ALOX5AP: variants seen among roughly 807,000 people sequenced by gnomAD.
The protein encoded by ALOX5AP is arachidonate 5-lipoxygenase-activating protein.
In ALOX5AP, 9 loss-of-function variants were observed where a neutral mutation model predicts 18.5. The ratio of observed to expected loss-of-function variants is 0.49; its 90% CI spans 0.29 to 0.85. The LOEUF is 0.85. ALOX5AP is among the 40% of genes least tolerant of loss of function. ALOX5AP has a pLI of 0.08. For missense variants in ALOX5AP, 172 were observed against 202.5 expected, an observed-to-expected ratio of 0.85 and a Z score of 0.91; for synonymous variants, 81 against 78.6, an observed-to-expected ratio of 1.03 and a Z score of -0.16.
intron 1 of ALOX5AP, among the ~76,000 whole-genome samples, chr13:30,725,706 T>C (rs913011915): frequency 1.3e-5 from 2 of 152,260 alleles, no homozygotes; most frequent in African/African-American, 4.8e-5. Context: ...TACAATGCTC[T>C]GCCAAACCTA....
chr13:30,715,713 G>T (rs899831206), intron 1 of ALOX5AP, among the ~76,000 whole-genome samples: 5 of 152,270 alleles, frequency 3.3e-5, no homozygotes, highest in African/African-American at 4.8e-5. Context: ...TTCAGATGCC[G>T]AGGCATTTTG....
intron 1 of ALOX5AP, among the ~76,000 whole-genome samples, chr13:30,726,470 TATCTATGTCC>T (rs1322770504): frequency 2.0e-5 from 3 of 152,234 alleles, no homozygotes; most frequent in African/African-American, 4.8e-5. Flanking sequence ...GAGAATATTT[TATCTATGTCC>T]ATCTATGTCC....
At chr13:30,761,738 T>C (rs2137834290) in intron 4 of ALOX5AP, among the ~76,000 whole-genome samples, 1 of 152,314 alleles carries the variant, frequency 6.6e-6, no homozygotes, top group East Asian at 1.9e-4. Flanking sequence ...TGCCACCTTC[T>C]ACCTGTGTCT....
chr13:30,733,818 G>A (rs1474645730), upstream of ALOX5AP, among the ~76,000 whole-genome samples: 1 of 151,292 alleles, frequency 6.6e-6, no homozygotes, highest in Non-Finnish European at 1.5e-5. Context: ...TCCTGCCCTT[G>A]GACACTGGAG....
intron 4 of ALOX5AP, among the ~76,000 whole-genome samples, chr13:30,756,686 G>A (rs545188986): frequency 1.6e-4 from 25 of 151,988 alleles, no homozygotes; most frequent in Non-Finnish European, 2.9e-4. Flanking sequence ...GGTGGTGGGC[G>A]CCTGTAATCC....
intron 1 of ALOX5AP, among the ~76,000 whole-genome samples, chr13:30,722,348 C>T (rs1260599671): frequency 6.6e-6 from 1 of 152,192 alleles, no homozygotes; most frequent in Non-Finnish European, 1.5e-5. Context: ...CCAGCACTGC[C>T]TTGCCTACCC....
At chr13:30,742,867 C>G (rs1164676939) in intron 1 of ALOX5AP, among the ~76,000 whole-genome samples, 6 of 135,672 alleles carry the variant, frequency 4.4e-5, no homozygotes, top group Admixed American at 2.2e-4. Context: ...CCGCCCCCCC[C>G]CCACCCCCCA....
chr13:30,716,370 C>T (rs1951550217), intron 1 of ALOX5AP, among the ~76,000 whole-genome samples: 2 of 152,148 alleles, frequency 1.3e-5, no homozygotes, highest in Non-Finnish European at 2.9e-5. Flanking sequence ...GTTTGGAAAC[C>T]ATTGATGTAA....
intron 1 of ALOX5AP, among the ~76,000 whole-genome samples, chr13:30,739,365 C>T (rs747437811): frequency 6.6e-6 from 1 of 152,196 alleles, no homozygotes; most frequent in African/African-American, 2.4e-5. Flanking sequence ...GCTTTATTCC[C>T]CTGCACCCAG....
intron 4 of ALOX5AP, among the ~76,000 whole-genome samples, chr13:30,763,437 C>T (rs1951961301): frequency 6.6e-6 from 1 of 152,242 alleles, no homozygotes; most frequent in African/African-American, 2.4e-5. Flanking sequence ...TTATTCCAGT[C>T]AGCCTCAGGA....
intron 3 of ALOX5AP, among the ~76,000 whole-genome samples, chr13:30,754,245 G>GAGAGAGAAAGCTGA (rs17238892): frequency 0.51 from 76,660 of 151,792 alleles, 19,531 homozygotes; most frequent in Non-Finnish European, 0.54. Context: ...GTCTCAAAAA[G>GAGAGAGAAAGCTGA]AGTTCACAGT....
At position 30,755,936 on chromosome 13, in the gene ALOX5AP, C is replaced by T. The variant is rs754765456; in HGVS notation, c.242-8C>T. ...AACTGACACAGGTGTTTTCATTTCT[C>T]CACTTAGTTCCTGCTGCGTTTGCTG... On this transcript the variant is annotated splice_region_variant and splice_polypyrimidine_tract_variant and intron_variant, in intron 3 of 4. Coordinates refer to ENST00000380490, the MANE Select transcript of ALOX5AP (RefSeq NM_001629.4). 1.2e-6 allele frequency: 2 copies of T among 1,613,770 alleles called. No homozygotes were observed. The highest frequency in any genetic ancestry group is 2.2e-5 in the South Asian group (2 of 91,068).
intron 4 of ALOX5AP, among the ~76,000 whole-genome samples, chr13:30,756,484 A>G (rs1447411662): frequency 6.6e-6 from 1 of 152,182 alleles, no homozygotes; most frequent in Non-Finnish European, 1.5e-5. Flanking sequence ...GACCAGAAGA[A>G]AGAATGTTGG....
chr13:30,744,236 T>C, intron 2 of ALOX5AP, 77 bp downstream of exon 2: 3 of 1,281,098 alleles, frequency 2.3e-6, no homozygotes, highest in Non-Finnish European at 3.4e-6. Context: ...ATGACCACCC[T>C]TAATACCACA....
At chr13:30,721,075 C>T (rs998292970) in intron 1 of ALOX5AP, among the ~76,000 whole-genome samples, 19 of 152,178 alleles carry the variant, frequency 1.2e-4, no homozygotes, top group African/African-American at 4.3e-4. Flanking sequence ...GTTCTCCAGC[C>T]ATTGCACAGG....
chr13:30,725,211 C>T (rs559423024), intron 1 of ALOX5AP, among the ~76,000 whole-genome samples: 1 of 152,274 alleles, frequency 6.6e-6, no homozygotes, highest in Non-Finnish European at 1.5e-5. Flanking sequence ...TCAGGGACTT[C>T]CAAGAGACAT....
At chr13:30,752,742 C>T (rs1479469821) in intron 3 of ALOX5AP, among the ~76,000 whole-genome samples, 2 of 152,196 alleles carry the variant, frequency 1.3e-5, no homozygotes, top group Non-Finnish European at 2.9e-5. Context: ...CTTCTGTGGC[C>T]CTGGAGGGCA....
At position 30,763,944 on chromosome 13, in the gene ALOX5AP, C is replaced by A. The variant is rs370288516; in HGVS notation, c.324C>A (p.Ser108Arg). The stretch of plus-strand genomic sequence containing the variant: ...AGTTTTCTTTTTCCTTCTCTTCCAG[C>A]ACCCCTGGCTACATATTTGGGAAAC... ...FVGYLGERTQSTPGYIFGKRI... is the reference protein window; with the variant it reads ...FVGYLGERTQRTPGYIFGKRI... The change falls in exon 5 of 5, where the codon AGC (serine) becomes AGA (arginine). Residue 108 changes from serine to arginine, a missense_variant and splice_region_variant. Physicochemically the swap from Ser to Arg is moderately radical, Grantham distance 110 (BLOSUM62 -1). Coordinates refer to ENST00000380490, the MANE Select transcript of ALOX5AP (RefSeq NM_001629.4). 13 of 1,610,486 alleles carry A rather than the reference C, an allele frequency of 8.1e-6. No individual in the cohort carries two copies. Among genetic ancestry groups the A allele is most frequent in the Non-Finnish European group, 1.1e-5 (13 of 1,178,990 alleles).
intron 1 of ALOX5AP, among the ~76,000 whole-genome samples, chr13:30,717,524 C>T (rs915037087): frequency 6.6e-6 from 1 of 152,218 alleles, no homozygotes; most frequent in Non-Finnish European, 1.5e-5. Context: ...AACCACTCCG[C>T]TCTTTGGGTT....
Sources: allele counts gnomAD v4.1 joint callset (sites outside exome capture counted in the v4.1 genomes callset), GRCh38; gene constraint gnomAD v4.1.1; transcripts MANE v1.5; gene names NCBI Gene and HGNC (gene_info 2026-07-23, HGNC 2026-07-21).